TENM2: variants seen among roughly 807,000 people sequenced by gnomAD.
TENM2 encodes the protein teneurin-2.
TENM2 carries 52 observed loss-of-function variants against 245.2 expected under a neutral mutation model. That is an observed-to-expected ratio of 0.21 (90% confidence interval 0.17 to 0.27). TENM2 has a LOEUF of 0.27. TENM2 is among the 10% of genes least tolerant of loss of function. The pLI is 1.00. For missense variants in TENM2, 3,046 were observed against 3,666.8 expected, an observed-to-expected ratio of 0.83 and a Z score of 4.37; for synonymous variants, 1,363 against 1,438.9, an observed-to-expected ratio of 0.95 and a Z score of 1.19.
chr5:168,206,763 G>A (rs1417498934), intron 19 of TENM2, among the ~76,000 whole-genome samples: 1 of 152,126 alleles, frequency 6.6e-6, no homozygotes, highest in Non-Finnish European at 1.5e-5. Context: ...GAGAACCATG[G>A]GAGAAGACAG....
At chr5:167,426,181 A>G (rs1763810367) in intron 2 of TENM2, among the ~76,000 whole-genome samples, 1 of 152,206 alleles carries the variant, frequency 6.6e-6, no homozygotes, top group Non-Finnish European at 1.5e-5. Context: ...AATTAAAAAT[A>G]CATTTTAAAA....
chr5:167,946,052 C>T (rs182275655), intron 3 of TENM2, among the ~76,000 whole-genome samples: 2 of 152,290 alleles, frequency 1.3e-5, no homozygotes, highest in East Asian at 1.9e-4. Flanking sequence ...GCCAGCCATA[C>T]CATATGTGTG....
At chr5:167,893,633 GTT>G (rs1422354654) in intron 3 of TENM2, among the ~76,000 whole-genome samples, 1 of 139,260 alleles carries the variant, frequency 7.2e-6, no homozygotes. Flanking sequence ...TTTTTTTGTT[GTT>G]TTTTTTTTTT....
chr5:168,251,633 T>C (rs545556929), intron 27 of TENM2, among the ~76,000 whole-genome samples: 1 of 152,326 alleles, frequency 6.6e-6, no homozygotes, highest in African/African-American at 2.4e-5. Flanking sequence ...CCATCTAAAT[T>C]AGTCTTAATT....
At chr5:167,520,036 A>G (rs1379956715) in intron 2 of TENM2, among the ~76,000 whole-genome samples, 2 of 152,202 alleles carry the variant, frequency 1.3e-5, no homozygotes, top group Non-Finnish European at 2.9e-5. Flanking sequence ...CCTTGATTCA[A>G]TACTTTGTAA....
chr5:168,060,823 T>C (rs1419357276), intron 6 of TENM2, among the ~76,000 whole-genome samples: 1 of 152,184 alleles, frequency 6.6e-6, no homozygotes, highest in Admixed American at 6.6e-5. Context: ...ATAGAGAAAC[T>C]GGGACCAAGA....
intron 4 of TENM2, among the ~76,000 whole-genome samples, chr5:167,963,348 T>C (rs1401662669): frequency 6.6e-6 from 1 of 152,220 alleles, no homozygotes; most frequent in African/African-American, 2.4e-5. Flanking sequence ...TTTATTGGTG[T>C]CAATTTCTTA....
At chr5:167,414,689 C>A (rs1369544883) in intron 2 of TENM2, among the ~76,000 whole-genome samples, 3 of 152,064 alleles carry the variant, frequency 2.0e-5, no homozygotes, top group Non-Finnish European at 4.4e-5. Context: ...TCTGTGAAGT[C>A]TCCTGATTTT....
At chr5:167,899,174 A>G (rs961670668) in intron 3 of TENM2, among the ~76,000 whole-genome samples, 11 of 152,250 alleles carry the variant, frequency 7.2e-5, no homozygotes, top group African/African-American at 2.6e-4. Context: ...AGAGGACCGA[A>G]CCTCCAATAA....
intron 4 of TENM2, among the ~76,000 whole-genome samples, chr5:167,980,113 A>G (rs1782724986): frequency 1.3e-5 from 2 of 152,206 alleles, no homozygotes; most frequent in Non-Finnish European, 2.9e-5. Context: ...ATGGTGAGGA[A>G]GAAGATGAAA....
In TENM2 at chr5:168,247,877, C is replaced by G. The variant is rs1766737730; in HGVS notation, c.6938C>G (p.Thr2313Ser). 13 of 1,613,880 alleles carry G rather than the reference C, an allele frequency of 8.1e-6. No individual in the cohort carries two copies. The highest frequency in any genetic ancestry group is 1.0e-5 in the Non-Finnish European group (12 of 1,179,900). ...GTAGGACGGCGGGCTTCCTACAAGA[C>G]CAACCTGGGCCACCACCTGCAGTAC... The change falls in exon 27 of 29, where the codon ACC becomes AGC. Residue 2313 changes from threonine (T) to serine (S), a missense_variant. Thr to Ser is a moderately conservative substitution (Grantham distance 58, BLOSUM62 1). This residue lies in a region of TENM2 where 2,704 missense variants were observed against 3,331.9 expected (regional missense o/e 0.81). Transcript: ENST00000518659. The surrounding 1 kb of genome is among the most constrained non-coding windows in gnomAD (Gnocchi z 7.8).
At chr5:167,859,344 C>T (rs1771444231) in intron 2 of TENM2, among the ~76,000 whole-genome samples, 1 of 148,838 alleles carries the variant, frequency 6.7e-6, no homozygotes, top group Non-Finnish European at 1.5e-5. Context: ...TGAGGAGCGT[C>T]TCCGCCCGGC....
chr5:167,456,485 C>T (rs1420532497), intron 2 of TENM2, among the ~76,000 whole-genome samples: 1 of 152,134 alleles, frequency 6.6e-6, no homozygotes, highest in Non-Finnish European at 1.5e-5. Flanking sequence ...CACACACACA[C>T]ACACATCTGG....
At chr5:168,055,479 C>A (rs1475415620) in intron 6 of TENM2, among the ~76,000 whole-genome samples, 1 of 152,178 alleles carries the variant, frequency 6.6e-6, no homozygotes, top group African/African-American at 2.4e-5. Context: ...TTTTCTCTGA[C>A]CATCGTATCT....
chr5:168,014,550 A>AT (rs1417735978), intron 5 of TENM2, among the ~76,000 whole-genome samples: 1 of 152,138 alleles, frequency 6.6e-6, no homozygotes, highest in Non-Finnish European at 1.5e-5. Context: ...TTAAAAAAAA[A>AT]TTTTTCCACA....
At chr5:167,768,435 A>T (rs1397969744) in intron 2 of TENM2, among the ~76,000 whole-genome samples, 1 of 152,214 alleles carries the variant, frequency 6.6e-6, no homozygotes, top group Non-Finnish European at 1.5e-5. Flanking sequence ...AACGTTTGTT[A>T]TGTGCAAACA....
chr5:167,194,621 G>A, the TENM2 span, among the ~76,000 whole-genome samples: 104 of 152,068 alleles, frequency 6.8e-4, no homozygotes, highest in Non-Finnish European at 1.0e-3. Context: ...CGGTGAGAAG[G>A]AACAGGGGGT....
chr5:167,850,864 G>A (rs913463334), intron 2 of TENM2, among the ~76,000 whole-genome samples: 1 of 152,140 alleles, frequency 6.6e-6, no homozygotes, highest in African/African-American at 2.4e-5. Flanking sequence ...TGTAGTGCTG[G>A]ATTCAGGGAT....
At chr5:167,829,937 G>A (rs1768320816) in intron 2 of TENM2, among the ~76,000 whole-genome samples, 1 of 152,140 alleles carries the variant, frequency 6.6e-6, no homozygotes, top group African/African-American at 2.4e-5. Flanking sequence ...CATATTGCAG[G>A]TCCTTCAGCT....
Sources: allele counts gnomAD v4.1 joint callset (sites outside exome capture counted in the v4.1 genomes callset), GRCh38; gene constraint gnomAD v4.1.1; regional missense constraint gnomAD v4.1.1; non-coding constraint Gnocchi (gnomAD v3.1); transcripts MANE v1.5; gene names NCBI Gene and HGNC (gene_info 2026-07-23, HGNC 2026-07-21).